GALNTL6: variants seen among roughly 807,000 people sequenced by gnomAD.
GALNTL6 encodes polypeptide N-acetylgalactosaminyltransferase-like 6.
In GALNTL6, 46 loss-of-function variants were observed where a neutral mutation model predicts 73.7. The ratio of observed to expected loss-of-function variants is 0.62; its 90% CI spans 0.49 to 0.80. The LOEUF is 0.80. GALNTL6 is among the 30% of genes least tolerant of loss of function. The pLI is 0.00. For synonymous variants in GALNTL6, 259 were observed against 263.7 expected (o/e 0.98, Z 0.17); for missense variants, 604 against 755.0 (o/e 0.80, Z 2.34).
intron 2 of GALNTL6, among the ~76,000 whole-genome samples, chr4:171,917,030 T>C (rs1443502840): frequency 2.0e-5 from 3 of 152,136 alleles, no homozygotes; most frequent in Non-Finnish European, 4.4e-5. Context: ...ACAGAATTTC[T>C]ACCCCGTGTA....
chr4:172,089,871 G>A (rs542380808), intron 2 of GALNTL6, among the ~76,000 whole-genome samples: 7 of 151,898 alleles, frequency 4.6e-5, no homozygotes, highest in African/African-American at 7.3e-5. Flanking sequence ...TTCCCAAAAG[G>A]CCCCAGTGTG....
At chr4:171,965,615 C>T in intron 2 of GALNTL6, among the ~76,000 whole-genome samples, 1 of 134,914 alleles carries the variant, frequency 7.4e-6, no homozygotes, top group Non-Finnish European at 1.5e-5. Context: ...GAGATCGCAC[C>T]ACTGCACTCC....
chr4:172,219,551 A>C (rs1736606682), intron 2 of GALNTL6, among the ~76,000 whole-genome samples: 1 of 151,896 alleles, frequency 6.6e-6, no homozygotes, highest in Non-Finnish European at 1.5e-5. Context: ...TTCAGAGTAC[A>C]GAGTAGATAC....
intron 2 of GALNTL6, among the ~76,000 whole-genome samples, chr4:172,034,033 C>G (rs1263356392): frequency 6.6e-6 from 1 of 152,120 alleles, no homozygotes; most frequent in Non-Finnish European, 1.5e-5. Context: ...TAACCTTATA[C>G]TACTGCTAAA....
At chr4:172,482,020 G>A (rs1004973237) in intron 5 of GALNTL6, among the ~76,000 whole-genome samples, 5 of 152,166 alleles carry the variant, frequency 3.3e-5, no homozygotes, top group East Asian at 3.9e-4. Flanking sequence ...CCACCCCACC[G>A]GGAGGCAGCT....
In GALNTL6 at chr4:173,020,190, T is replaced by G. The variant is rs539098042; in HGVS notation, c.1489-1286T>G. On this transcript the variant is annotated intron_variant, in intron 11 of 12. Transcript: ENST00000506823. Reference sequence around the variant, plus strand: ...ACTGTACCTTTCAAATACCCTTATTTGTTGTACAGTTCAAATAACTCAAGC... The same window carrying G: ...ACTGTACCTTTCAAATACCCTTATTGGTTGTACAGTTCAAATAACTCAAGC... Among the ~76,000 whole-genome samples, 18 of 152,340 alleles carry G rather than the reference T, an allele frequency of 1.2e-4. No homozygotes were observed. In the East Asian group the frequency reaches 2.9e-3, roughly 25 times the overall value.
intron 5 of GALNTL6, among the ~76,000 whole-genome samples, chr4:172,766,143 C>T (rs1738395303): frequency 6.6e-6 from 1 of 152,142 alleles, no homozygotes; most frequent in Non-Finnish European, 1.5e-5. Flanking sequence ...TCTGTTGCCT[C>T]TCTCTTCTAC....
intron 3 of GALNTL6, among the ~76,000 whole-genome samples, chr4:172,249,262 C>T (rs972328408): frequency 3.9e-5 from 6 of 152,170 alleles, no homozygotes; most frequent in African/African-American, 1.2e-4. Context: ...ATACTGGCAG[C>T]ATTTGGCCCT....
intron 5 of GALNTL6, among the ~76,000 whole-genome samples, chr4:172,559,278 A>G (rs1026975043): frequency 2.0e-5 from 3 of 151,700 alleles, no homozygotes; most frequent in Non-Finnish European, 4.4e-5. Context: ...GTTAGCCAGG[A>G]TGGTCTTGAT....
rs1486738089 is a variant in GALNTL6, at chr4:172,370,034, T to G, written c.553+21345T>G. Reference sequence around the variant, plus strand: ...CATGTTGTCACCTCTCAATCCTGCCTCTAAACAGGACACCCCAACTGCTGT... The same window carrying G: ...CATGTTGTCACCTCTCAATCCTGCCGCTAAACAGGACACCCCAACTGCTGT... On this transcript the variant is annotated intron_variant, in intron 5 of 12. Coordinates refer to ENST00000506823, the MANE Select transcript of GALNTL6 (RefSeq NM_001034845.3). 4.6e-5 allele frequency among the ~76,000 whole-genome samples: 7 copies of G among 152,280 alleles called. No homozygotes were observed. In the East Asian group the frequency reaches 1.2e-3, roughly 25 times the overall value.
chr4:172,402,360 T>C (rs1744073740), intron 5 of GALNTL6, among the ~76,000 whole-genome samples: 2 of 152,082 alleles, frequency 1.3e-5, no homozygotes, highest in Non-Finnish European at 2.9e-5. Context: ...AAACCTGTCA[T>C]TTTAAAAGAT....
At chr4:172,424,164 A>G (rs1468800188) in intron 5 of GALNTL6, among the ~76,000 whole-genome samples, 1 of 152,122 alleles carries the variant, frequency 6.6e-6, no homozygotes. Context: ...TGCACCACAT[A>G]CTAAGAACAT....
chr4:172,058,847 A>C (rs1344836830), intron 2 of GALNTL6, among the ~76,000 whole-genome samples: 2 of 152,178 alleles, frequency 1.3e-5, no homozygotes, highest in African/African-American at 4.8e-5. Context: ...ATAAGTCTTC[A>C]AAAGGGAACA....
At chr4:172,587,087 G>A (rs1245285454) in intron 5 of GALNTL6, among the ~76,000 whole-genome samples, 4 of 152,146 alleles carry the variant, frequency 2.6e-5, no homozygotes, top group Non-Finnish European at 5.9e-5. Flanking sequence ...TGTGAAGAAT[G>A]CCTATGTGTG....
intron 5 of GALNTL6, among the ~76,000 whole-genome samples, chr4:172,729,660 G>C (rs991451328): frequency 6.6e-5 from 10 of 152,144 alleles, no homozygotes; most frequent in Non-Finnish European, 5.9e-5. Context: ...TTTGAAGTCA[G>C]GTAGTATGAG....
At chr4:172,958,777 G>C (rs1316471809) in intron 10 of GALNTL6, among the ~76,000 whole-genome samples, 1 of 152,192 alleles carries the variant, frequency 6.6e-6, no homozygotes, top group Admixed American at 6.5e-5. Context: ...CCTGATGGAT[G>C]TCAGGGTCAG....
At chr4:172,567,693 G>A (rs1168232917) in intron 5 of GALNTL6, among the ~76,000 whole-genome samples, 1 of 152,010 alleles carries the variant, frequency 6.6e-6, no homozygotes, top group Non-Finnish European at 1.5e-5. Context: ...AAAATTAACT[G>A]GGCATGGTAG....
At chr4:172,918,313 T>G (rs905220458) in intron 8 of GALNTL6, among the ~76,000 whole-genome samples, 2 of 151,868 alleles carry the variant, frequency 1.3e-5, no homozygotes, top group Admixed American at 6.6e-5. Flanking sequence ...GTGCAGCACA[T>G]GAACACGGCA....
At chr4:172,885,651 G>A (rs1439722462) in intron 8 of GALNTL6, among the ~76,000 whole-genome samples, 1 of 152,102 alleles carries the variant, frequency 6.6e-6, no homozygotes, top group Non-Finnish European at 1.5e-5. Context: ...TAGTGGAAAG[G>A]CTTTCAATTT....
Sources: gnomAD v4.1 joint callset for allele counts (sites outside exome capture counted in the v4.1 genomes callset) on GRCh38, gnomAD v4.1.1 for gene constraint, MANE v1.5 for transcripts, NCBI Gene and HGNC (gene_info 2026-07-23, HGNC 2026-07-21) for gene names.